The following NIBAN1 variants were observed in gnomAD, a reference collection of about 807,000 sequenced individuals.
NIBAN1 encodes the protein niban apoptosis regulator 1, also known as protein Niban 1.
In NIBAN1, 81 loss-of-function variants were observed where a neutral mutation model predicts 75.1. The ratio of observed to expected loss-of-function variants is 1.08; its 90% CI spans 0.90 to 1.30. The LOEUF (loss-of-function observed/expected upper bound fraction) is 1.30. NIBAN1 is among the 50% of genes most tolerant of loss of function. The pLI is 0.00. For synonymous variants in NIBAN1, 436 were observed against 424.8 expected (o/e 1.03, Z -0.32); for missense variants, 1,133 against 1,128.1 (o/e 1.00, Z -0.06).
chr1:184,811,822 C>G (rs1377133334), intron 9 of NIBAN1, among the ~76,000 whole-genome samples: 1 of 152,070 alleles, frequency 6.6e-6, no homozygotes, highest in Non-Finnish European at 1.5e-5. Context: ...AATGAGGGCT[C>G]TCAGTAAAGT....
intron 12 of NIBAN1, among the ~76,000 whole-genome samples, chr1:184,801,306 G>A (rs1033280583): frequency 2.6e-5 from 4 of 152,152 alleles, no homozygotes; most frequent in Non-Finnish European, 4.4e-5. Flanking sequence ...AAAGGCAAAG[G>A]ATTGAAGAGA....
chr1:184,826,068 C>G (rs1172482461), intron 6 of NIBAN1, among the ~76,000 whole-genome samples: 1 of 152,186 alleles, frequency 6.6e-6, no homozygotes, highest in Non-Finnish European at 1.5e-5. Context: ...AACGCTTTCA[C>G]TGAAGCAAAT....
At chr1:184,936,561 G>T (rs936488027) in intron 1 of NIBAN1, among the ~76,000 whole-genome samples, 5 of 152,186 alleles carry the variant, frequency 3.3e-5, no homozygotes, top group Non-Finnish European at 7.4e-5. Context: ...GGAGTTAGCA[G>T]GCCCACCTGC....
At chr1:184,953,367 T>C (rs185821308) in intron 1 of NIBAN1, among the ~76,000 whole-genome samples, 1 of 152,344 alleles carries the variant, frequency 6.6e-6, no homozygotes, top group African/African-American at 2.4e-5. Context: ...TAAATGTTTC[T>C]TAAGGGTTTA....
At chr1:184,825,609 C>T (rs916865040) in intron 6 of NIBAN1, among the ~76,000 whole-genome samples, 1 of 152,208 alleles carries the variant, frequency 6.6e-6, no homozygotes, top group African/African-American at 2.4e-5. Context: ...CCACATCACT[C>T]CTAAAATTTT....
At chr1:184,865,061 A>G (rs992461139) in intron 5 of NIBAN1, among the ~76,000 whole-genome samples, 5 of 152,054 alleles carry the variant, frequency 3.3e-5, no homozygotes, top group Admixed American at 3.3e-4. Context: ...ACAATGTGAT[A>G]CCATCTCACA....
intron 1 of NIBAN1, among the ~76,000 whole-genome samples, chr1:184,943,356 A>C (rs1205312608): frequency 7.4e-6 from 1 of 135,574 alleles, no homozygotes; most frequent in African/African-American, 2.7e-5. Flanking sequence ...TCAGACTTAA[A>C]TTCAATTTTT....
At position 184,974,434 on chromosome 1, in the gene NIBAN1, G is replaced by T; in HGVS notation, c.-78C>A. 6.7e-7 allele frequency: 1 copy of T among 1,487,652 alleles called. No homozygotes were observed. Among genetic ancestry groups the T allele is most frequent in the Non-Finnish European group, 9.0e-7 (1 of 1,115,594 alleles). 92.2% of individuals were successfully genotyped at this position (1,487,652 alleles called of 1,614,324 possible). ...CTAGCTCCTGGAGGTTGATCCGACG[G>T]CGAACCCGGCTCTGAAATTAAGAGC... On this transcript the variant is annotated 5_prime_UTR_variant, in exon 1 of 14. Transcript: ENST00000367511.
rs539996804 is a variant in NIBAN1, at chr1:184,874,201, A to G, written c.601+10432T>C. On this transcript the variant is annotated intron_variant, in intron 5 of 13. Transcript: ENST00000367511. ...TATATTGTGTTTATTATTATTGCTA[A>G]TAATAAAGTTTTAATAATAATCAAT... 2.6e-5 allele frequency among the ~76,000 whole-genome samples: 4 copies of G among 152,162 alleles called. No homozygotes were observed. The East Asian group carries it at 7.7e-4, about 29-fold the overall frequency.
chr1:184,958,364 T>TCACACACACACACACACA (rs3035788), intron 1 of NIBAN1, among the ~76,000 whole-genome samples: 182 of 142,706 alleles, frequency 1.3e-3, no homozygotes, highest in Middle Eastern at 3.5e-3. Context: ...GACAGAGGAG[T>TCACACACACACACACACA]CACACACACA....
intron 2 of NIBAN1, among the ~76,000 whole-genome samples, chr1:184,898,620 AT>A (rs1700443119): frequency 6.6e-6 from 1 of 152,190 alleles, no homozygotes; most frequent in Non-Finnish European, 1.5e-5. Flanking sequence ...TATCTCAAAA[AT>A]AAAATAAGAC....
chr1:184,819,946 C>G (rs1242615181), intron 8 of NIBAN1, among the ~76,000 whole-genome samples: 1 of 152,184 alleles, frequency 6.6e-6, no homozygotes, highest in Non-Finnish European at 1.5e-5. Context: ...AAATATTTCA[C>G]AGAGTTGTGC....
At chr1:184,823,886 A>G in intron 6 of NIBAN1, 144 bp from the exon 7 acceptor site, 1 of 602,314 alleles carries the variant, frequency 1.7e-6, no homozygotes, top group Non-Finnish European at 3.0e-6. Context: ...CCTACTACAG[A>G]GGCCACAGAA....
chr1:184,805,009 C>G (rs1317561815), intron 11 of NIBAN1, among the ~76,000 whole-genome samples: 1 of 152,098 alleles, frequency 6.6e-6, no homozygotes, highest in Admixed American at 6.5e-5. Flanking sequence ...AGGATGGTCT[C>G]GATCTCCTGA....
chr1:184,911,920 A>T (rs1475787776), intron 1 of NIBAN1, among the ~76,000 whole-genome samples: 3 of 152,226 alleles, frequency 2.0e-5, no homozygotes, highest in Non-Finnish European at 4.4e-5. Flanking sequence ...TTGCCTCAAA[A>T]AAATTTTAAA....
intron 1 of NIBAN1, among the ~76,000 whole-genome samples, chr1:184,920,396 T>C (rs1657498902): frequency 6.6e-6 from 1 of 152,198 alleles, no homozygotes. Flanking sequence ...GTTGGGAACA[T>C]TAAAAAATCC....
chr1:184,896,637 T>A (rs1457994032), intron 2 of NIBAN1, among the ~76,000 whole-genome samples: 5 of 152,100 alleles, frequency 3.3e-5, no homozygotes, highest in African/African-American at 1.2e-4. Flanking sequence ...TCCAGAAGAG[T>A]TTTTCCTAAG....
At chr1:184,873,811 C>A (rs1013069553) in intron 5 of NIBAN1, among the ~76,000 whole-genome samples, 1 of 152,152 alleles carries the variant, frequency 6.6e-6, no homozygotes, top group Non-Finnish European at 1.5e-5. Flanking sequence ...TGCTTTCCTC[C>A]TGTTAATCTG....
chr1:184,974,418 G>T lies in NIBAN1; in HGVS notation c.-62C>A. On this transcript the variant is annotated 5_prime_UTR_variant, in exon 1 of 14. Transcript: ENST00000367511. ...CGGTCCGCGCCCGCTGCTAGCTCCT[G>T]GAGGTTGATCCGACGGCGAACCCGG... The T allele has an allele frequency of 6.6e-7, 1 of 1,514,654 alleles. No individual in the cohort carries two copies. The highest frequency in any genetic ancestry group is 8.8e-7 in the Non-Finnish European group (1 of 1,135,838). The allele number at this position is 1,514,654 out of a possible 1,614,324, so 93.8% of individuals were successfully genotyped here.
Sources: allele counts gnomAD v4.1 joint callset (sites outside exome capture counted in the v4.1 genomes callset), GRCh38; gene constraint gnomAD v4.1.1; transcripts MANE v1.5; gene names NCBI Gene and HGNC (gene_info 2026-07-23, HGNC 2026-07-21).